The following DENND11 variants were observed in gnomAD, a reference collection of about 807,000 sequenced individuals.
DENND11 encodes DENN domain-containing protein 11.
DENND11 carries 34 observed loss-of-function variants against 49.2 expected under a neutral mutation model. The ratio of observed to expected loss-of-function variants is 0.69; its 90% confidence interval spans 0.53 to 0.92. The LOEUF is 0.92. DENND11 is among the 40% of genes least tolerant of loss of function. The probability of loss-of-function intolerance (pLI) is 0.00; values close to 1 mark genes in which losing one functional copy is unlikely to be tolerated. For missense variants in DENND11, 475 were observed against 581.6 expected, an observed-to-expected ratio of 0.82 and a Z score of 1.88; for synonymous variants, 238 against 230.3, an observed-to-expected ratio of 1.03 and a Z score of -0.30.
At chr7:141,692,859 T>G (rs1339558123) in intron 1 of DENND11, among the ~76,000 whole-genome samples, 1 of 152,100 alleles carries the variant, frequency 6.6e-6, no homozygotes, top group Non-Finnish European at 1.5e-5. Context: ...ATAATAATAA[T>G]TTTTTAAAAT....
intron 1 of DENND11, among the ~76,000 whole-genome samples, chr7:141,687,106 T>C (rs189520009): frequency 6.6e-6 from 1 of 152,342 alleles, no homozygotes; most frequent in African/African-American, 2.4e-5. Context: ...TCATTCTCGT[T>C]TACCTCTAGG....
At chr7:141,673,773 C>G (rs913081165) in intron 4 of DENND11, among the ~76,000 whole-genome samples, 1 of 152,160 alleles carries the variant, frequency 6.6e-6, no homozygotes, top group Non-Finnish European at 1.5e-5. Flanking sequence ...GTTCAAATGT[C>G]TAGTGTTAAA....
intron 4 of DENND11, among the ~76,000 whole-genome samples, chr7:141,669,828 T>TTTC (rs1797950974): frequency 6.7e-6 from 1 of 148,306 alleles, no homozygotes; most frequent in Non-Finnish European, 1.5e-5. Flanking sequence ...TTTTTTTTTT[T>TTTC]TGAGACGGAG....
intron 1 of DENND11, among the ~76,000 whole-genome samples, chr7:141,699,556 CAAAA>C (rs900829924): frequency 6.6e-6 from 1 of 151,734 alleles, no homozygotes; most frequent in African/African-American, 2.4e-5. Context: ...CAAAAAAACA[CAAAA>C]AAAACACAAG....
chr7:141,664,861 T>C (rs1190234470), intron 7 of DENND11, 43 bp downstream of exon 7: 6 of 1,581,004 alleles, frequency 3.8e-6, no homozygotes, highest in Non-Finnish European at 5.2e-6. Context: ...GGAGCTGCCC[T>C]GAGGAGGGTG....
rs747533411 is a variant in DENND11 at position 141,664,176 on chromosome 7, C to T, written c.1168G>A (p.Val390Met). 8.2e-6 allele frequency: 13 copies of T among 1,577,198 alleles called. No individual in the cohort carries two copies. The highest frequency in any genetic ancestry group is 4.6e-5 in the East Asian group (2 of 43,248). Residue 390 changes from valine to methionine, a missense_variant, in exon 8 of 9, where the codon GTG becomes ATG. Physicochemically the swap from Val to Met is conservative, Grantham distance 21 (BLOSUM62 1). Coordinates refer to ENST00000536163, the MANE Select transcript of DENND11 (RefSeq NM_001080392.2). ...ATCCACGGCCCCAGGACTCACAGCA[C>T]GAAGAGGTCCTCTTCACAAGGGTTG... ...DYNPCEEDLFVLFFLEQNNRI... is the reference protein window; with the variant it reads ...DYNPCEEDLFMLFFLEQNNRI...
At chr7:141,688,708 G>C (rs959591717) in intron 1 of DENND11, among the ~76,000 whole-genome samples, 1 of 151,994 alleles carries the variant, frequency 6.6e-6, no homozygotes. Context: ...CAGTCCAGTC[G>C]TTTTTTTCCT....
At chr7:141,676,201 C>G (rs1366671897) in intron 3 of DENND11, among the ~76,000 whole-genome samples, 1 of 152,036 alleles carries the variant, frequency 6.6e-6, no homozygotes, top group Non-Finnish European at 1.5e-5. Context: ...ACTACATTTT[C>G]TGTGTTATAG....
At chr7:141,698,074 G>A (rs1430737539) in intron 1 of DENND11, among the ~76,000 whole-genome samples, 1 of 152,162 alleles carries the variant, frequency 6.6e-6, no homozygotes, top group East Asian at 1.9e-4. Context: ...AACTCTAAAC[G>A]CAGCAGTGTA....
chr7:141,664,826 C>A, intron 7 of DENND11, 78 bp downstream of exon 7: 1 of 1,444,122 alleles, frequency 6.9e-7, no homozygotes, highest in Admixed American at 2.3e-5. Context: ...GGGCAGAAGA[C>A]AGGCTTTGCA....
intron 1 of DENND11, among the ~76,000 whole-genome samples, chr7:141,693,717 T>C (rs772834011): frequency 2.6e-5 from 4 of 152,202 alleles, no homozygotes; most frequent in Non-Finnish European, 4.4e-5. Context: ...TAAATGCATG[T>C]AGCTAAATAA....
intron 1 of DENND11, 191 bp downstream of exon 1, chr7:141,701,695 C>G: frequency 2.8e-6 from 1 of 360,958 alleles, no homozygotes; most frequent in East Asian, 5.8e-5. Flanking sequence ...CACCCAGCTG[C>G]GCCCCGAGGG....
Position 141,662,823 on chromosome 7 carries a change from A to G in DENND11, c.1201T>C (p.Phe401Leu). 1 of 1,577,468 alleles carries G rather than the reference A, an allele frequency of 6.3e-7. No individual in the cohort carries two copies. Among genetic ancestry groups the G allele is most frequent in the Non-Finnish European group, 8.6e-7 (1 of 1,161,284 alleles). ...GCAGACACCTCCAACAAAGTCTGAA[A>G]TATCCGGTTGTTTTGTTCTAGGAAA... ...LFFLEQNNRI[F>L]QTLLEVSASQ... The change falls in exon 9 of 9, where the codon TTT becomes CTT. Residue 401 changes from phenylalanine (F) to leucine (L), a missense_variant. Transcript: ENST00000536163.
At position 141,660,466 on chromosome 7, in the gene DENND11, CCATT is replaced by C. The variant is rs1562992729; in HGVS notation, c.*2186_*2189del. 2 of 152,182 alleles carry C rather than the reference CCATT, an allele frequency of 1.3e-5. No individual in the cohort carries two copies. Among genetic ancestry groups the C allele is most frequent in the Non-Finnish European group, 2.9e-5 (2 of 68,062 alleles). 9.4% of individuals were successfully genotyped at this position (152,182 alleles called of 1,614,324 possible). On this transcript the variant is annotated 3_prime_UTR_variant, in exon 9 of 9. Coordinates refer to ENST00000536163, the MANE Select transcript of DENND11 (RefSeq NM_001080392.2). The stretch of plus-strand genomic sequence containing the variant: ...AAGGGAACCCAGAAGCCCTGACTCA[CCATT>C]CAAAGGAAAAAACAGGAACTTCATT...
At chr7:141,675,197 G>A (rs1448749098) in intron 3 of DENND11, among the ~76,000 whole-genome samples, 1 of 152,164 alleles carries the variant, frequency 6.6e-6, no homozygotes, top group Admixed American at 6.5e-5. Flanking sequence ...CGTGACGACA[G>A]AGACTGGGAT....
At chr7:141,665,123 C>T (rs1449327300) in intron 6 of DENND11, 64 bp downstream of exon 6, 2 of 1,609,924 alleles carry the variant, frequency 1.2e-6, no homozygotes, top group East Asian at 2.2e-5. Flanking sequence ...GCCCAGGAGC[C>T]CTGTGTCTGG....
rs1282998526 is a variant in DENND11 at position 141,664,963 on chromosome 7, C to G, written c.1044G>C (p.Gln348His). Residue 348 changes from glutamine (Q) to histidine (H), a missense_variant, in exon 7 of 9, where the codon CAG becomes CAC. Transcript: ENST00000536163. ...QNVKTHHDHL[Q>H]PLLKINSADR... ...CAGCACTGTTGATCTTCAGCAGCGG[C>G]TGCAGGTGGTCGTGGTGTGTCTTCA... The G allele has an allele frequency of 6.2e-7, 1 of 1,613,764 alleles. No homozygotes were observed. Among genetic ancestry groups the G allele is most frequent in the East Asian group, 2.2e-5 (1 of 44,870 alleles).
intron 4 of DENND11, among the ~76,000 whole-genome samples, chr7:141,672,185 G>C (rs1797993595): frequency 6.6e-6 from 1 of 152,208 alleles, no homozygotes; most frequent in African/African-American, 2.4e-5. Flanking sequence ...CCATGGTTTT[G>C]CTCATTCTGC....
At chr7:141,668,599 A>C (rs1340672838) in intron 4 of DENND11, among the ~76,000 whole-genome samples, 2 of 147,238 alleles carry the variant, frequency 1.4e-5, no homozygotes, top group South Asian at 2.4e-4. Flanking sequence ...AAACAAACAA[A>C]CAACAAACAA....
Sources: gnomAD v4.1 joint callset for allele counts (sites outside exome capture counted in the v4.1 genomes callset) on GRCh38, gnomAD v4.1.1 for gene constraint, MANE v1.5 for transcripts, NCBI Gene and HGNC (gene_info 2026-07-23, HGNC 2026-07-21) for gene names.